MED13L: variants seen among roughly 807,000 people sequenced by gnomAD.
The protein encoded by MED13L is mediator of RNA polymerase II transcription subunit 13-like.
Under a neutral mutation model 220.9 loss-of-function variants are expected in MED13L, and 7 were observed. The observed-to-expected ratio is 0.03, with a 90% CI of 0.02 to 0.06. The LOEUF is 0.06. Ranked by LOEUF, MED13L falls within the 10% of genes least tolerant of loss-of-function variation. The pLI is 1.00. For missense variants in MED13L, 1,965 were observed against 2,760.5 expected (o/e 0.71, Z 6.46); for synonymous variants, 1,011 against 1,015.2 (o/e 1.00, Z 0.08).
intron 2 of MED13L, among the ~76,000 whole-genome samples, chr12:116,193,843 G>A (rs568105569): frequency 1.3e-5 from 2 of 152,100 alleles, no homozygotes; most frequent in African/African-American, 2.4e-5. Context: ...CAAGTAAACC[G>A]ATCACTGTAC....
chr12:116,087,116 T>TA (rs1871760456), intron 4 of MED13L, among the ~76,000 whole-genome samples: 1 of 152,210 alleles, frequency 6.6e-6, no homozygotes, highest in Middle Eastern at 3.2e-3. Context: ...ACCAACATCA[T>TA]AAAAAATTCT....
Position 115,970,761 on chromosome 12 carries a change from G to A in MED13L, c.5900C>T (p.Thr1967Ile), listed in dbSNP as rs1388854544. ...ACTTCGGCCAAAAACAGAGCCCATTGTGACAGCATCTTTAAAGAAAAAAAT... is the reference window on the plus strand; with the variant it reads ...ACTTCGGCCAAAAACAGAGCCCATTATGACAGCATCTTTAAAGAAAAAAAT... Reference protein sequence around the residue: ...GSFVVMPDAVTMGSVFGRSTA... With the variant: ...GSFVVMPDAVIMGSVFGRSTA... The change falls in exon 27 of 31, where the codon ACA becomes ATA. Residue 1967 changes from threonine to isoleucine, a missense_variant. Thr to Ile is a moderately conservative substitution (Grantham distance 89, BLOSUM62 -1). Around this residue, in one of 10 missense-constraint regions of MED13L, gnomAD observed 145 missense variants for 328.3 expected, o/e 0.44. Transcript: ENST00000281928. The A allele has an allele frequency of 1.2e-6, 2 of 1,613,934 alleles. No homozygotes were observed. The highest frequency in any genetic ancestry group is 2.2e-5 in the South Asian group (2 of 91,080).
At chr12:116,231,832 G>C (rs1869588433) in intron 2 of MED13L, among the ~76,000 whole-genome samples, 1 of 152,116 alleles carries the variant, frequency 6.6e-6, no homozygotes. Context: ...GCATATAAGT[G>C]TGTAAATATA....
At chr12:116,235,863 T>C (rs1414717600) in intron 2 of MED13L, among the ~76,000 whole-genome samples, 1 of 152,140 alleles carries the variant, frequency 6.6e-6, no homozygotes, top group Non-Finnish European at 1.5e-5. Context: ...CAAAATTATA[T>C]GTACCACACT....
chr12:115,986,492 A>G lies in MED13L; in HGVS notation c.4115-3T>C. 6.2e-7 allele frequency: 1 copy of G among 1,613,252 alleles called. No homozygotes were observed. Among genetic ancestry groups the G allele is most frequent in the Non-Finnish European group, 8.5e-7 (1 of 1,179,492 alleles). On this transcript the variant is annotated splice_region_variant and splice_polypyrimidine_tract_variant and intron_variant, in intron 18 of 30. Transcript: ENST00000281928. ...CGGCTCAGGAGATTCTTCCGAACCT[A>G]AAATGACATTGTAGTGTAGAAAGGT...
rs181959949 is a variant in MED13L at position 116,211,275 on chromosome 12, G to A, written c.310+26193C>T. 1.3e-3 allele frequency among the ~76,000 whole-genome samples: 194 copies of A among 152,274 alleles called. 1 individual carries two copies. The highest frequency in any genetic ancestry group is 4.3e-3 in the African/African-American group (180 of 41,556). Reference sequence around the variant, plus strand: ...TGTAGCTACTGAGCACCTGAAATGTGTTCTGACACCAGGGATCTGAATTTT... The same window carrying A: ...TGTAGCTACTGAGCACCTGAAATGTATTCTGACACCAGGGATCTGAATTTT... On this transcript the variant is annotated intron_variant, in intron 2 of 30. Transcript: ENST00000281928.
chr12:116,269,762 A>G (rs939358045), intron 1 of MED13L, among the ~76,000 whole-genome samples: 3 of 152,234 alleles, frequency 2.0e-5, no homozygotes, highest in Non-Finnish European at 2.9e-5. Context: ...GCTCTGCGCT[A>G]TTTCAAAGTA....
intron 20 of MED13L, 28 bp from the exon 21 acceptor site, chr12:115,983,568 T>G: frequency 6.2e-7 from 1 of 1,611,722 alleles, no homozygotes; most frequent in South Asian, 1.1e-5. Context: ...AAGAGGTGAC[T>G]TTAGTGATAT....
At chr12:116,053,511 G>T (rs984168265) in intron 4 of MED13L, among the ~76,000 whole-genome samples, 3 of 152,166 alleles carry the variant, frequency 2.0e-5, no homozygotes, top group Non-Finnish European at 4.4e-5. Context: ...GAAATACTAA[G>T]AGTTATTAAT....
chr12:116,080,907 G>C (rs1351241557), intron 4 of MED13L, among the ~76,000 whole-genome samples: 1 of 152,182 alleles, frequency 6.6e-6, no homozygotes, highest in Non-Finnish European at 1.5e-5. Context: ...AACTAGAACT[G>C]TTAGGTATTT....
In MED13L at chr12:116,019,826, C is replaced by T; in HGVS notation, c.772G>A (p.Glu258Lys). 19 of 1,613,992 alleles carry T rather than the reference C, an allele frequency of 1.2e-5. 1 individual carries two copies. The highest frequency in any genetic ancestry group is 1.6e-5 in the Non-Finnish European group (19 of 1,179,938). The change falls in exon 6 of 31, where the codon GAG becomes AAG. Residue 258 changes from glutamate to lysine, a missense_variant. Physicochemically the swap from Glu to Lys is moderately conservative, Grantham distance 56. This residue lies in a region of MED13L where 818 missense variants were observed against 1,041.2 expected (regional missense o/e 0.79). Transcript: ENST00000281928. ...KKKEESKEEDELGYDDDFPVA... is the reference protein window; with the variant it reads ...KKKEESKEEDKLGYDDDFPVA... ...GGGAAATCATCATCATATCCCAACT[C>T]GTCTTCCTCTTTCGATTCTTCTTTC...
At chr12:116,249,781 G>A (rs13377913) in intron 1 of MED13L, among the ~76,000 whole-genome samples, 9 of 86,058 alleles carry the variant, frequency 1.0e-4, no homozygotes, top group African/African-American at 3.2e-4. Context: ...TAAAACATAC[G>A]ATATTAACTA....
chr12:116,018,714 T>C (rs532436732), intron 7 of MED13L, among the ~76,000 whole-genome samples: 19 of 152,212 alleles, frequency 1.2e-4, no homozygotes, highest in Non-Finnish European at 1.5e-4. Flanking sequence ...ATAATTAATA[T>C]TTATTATTAA....
intron 4 of MED13L, among the ~76,000 whole-genome samples, chr12:116,044,746 G>A (rs891601039): frequency 1.3e-5 from 2 of 152,184 alleles, no homozygotes; most frequent in Admixed American, 1.3e-4. Flanking sequence ...AAGAACCCAA[G>A]TCTTCTGTTT....
rs1879942279 is a variant in MED13L, at chr12:116,019,746, T to C, written c.820+32A>G. ...TTAAATTAAGGAAGAGGAAGAAGAA[T>C]AAAGTTCTTCAGGCAAAATATTTTC... On this transcript the variant is annotated intron_variant, in intron 6 of 30. Coordinates refer to ENST00000281928, the MANE Select transcript of MED13L (RefSeq NM_015335.5). 8 of 1,581,916 alleles carry C rather than the reference T, an allele frequency of 5.1e-6. No individual in the cohort carries two copies. In the East Asian group the frequency reaches 1.8e-4, roughly 35 times the overall value.
chr12:116,225,848 C>T (rs1174264583), intron 2 of MED13L, among the ~76,000 whole-genome samples: 3 of 151,972 alleles, frequency 2.0e-5, no homozygotes, highest in African/African-American at 4.8e-5. Context: ...AGTAAGCCTT[C>T]AAGATTAGCA....
At chr12:116,097,056 A>G (rs1372827145) in intron 3 of MED13L, among the ~76,000 whole-genome samples, 2 of 152,226 alleles carry the variant, frequency 1.3e-5, no homozygotes, top group Non-Finnish European at 2.9e-5. Context: ...ACACTTCTGC[A>G]TAATTTCAAT....
intron 4 of MED13L, among the ~76,000 whole-genome samples, chr12:116,094,366 T>C (rs985021935): frequency 6.6e-6 from 1 of 152,190 alleles, no homozygotes; most frequent in African/African-American, 2.4e-5. Context: ...GAACATAAAG[T>C]CTAAAATCCA....
chr12:116,269,466 C>CAAAAAAAAAAAAAAAAA (rs34100053), intron 1 of MED13L, among the ~76,000 whole-genome samples: 4 of 69,138 alleles, frequency 5.8e-5, no homozygotes, highest in East Asian at 5.4e-4. Flanking sequence ...TTAAACTATG[C>CAAAAAAAAAAAAAAAAA]AAAAAAAAAA....
Sources: gnomAD v4.1 joint callset for allele counts (sites outside exome capture counted in the v4.1 genomes callset) on GRCh38, gnomAD v4.1.1 for gene constraint, gnomAD v4.1.1 regional missense constraint, MANE v1.5 for transcripts, NCBI Gene and HGNC (gene_info 2026-07-23, HGNC 2026-07-21) for gene names.